Variants in RAB27B observed in about 807,000 individuals in gnomAD.
RAB27B encodes the protein ras-related protein Rab-27B.
A neutral mutation model predicts 24.6 loss-of-function variants in RAB27B; 15 were observed. The ratio of observed to expected loss-of-function variants is 0.61; its 90% CI spans 0.41 to 0.94. RAB27B has a LOEUF of 0.94. RAB27B is among the 40% of genes least tolerant of loss of function. RAB27B has a pLI of 0.00. For missense variants in RAB27B, 261 were observed against 266.8 expected (o/e 0.98, Z 0.15); for synonymous variants, 105 against 92.5 (o/e 1.14, Z -0.78).
intron 2 of RAB27B, among the ~76,000 whole-genome samples, chr18:54,797,379 AG>A (rs1449085869): frequency 6.6e-6 from 1 of 152,166 alleles, no homozygotes; most frequent in East Asian, 1.9e-4. Context: ...ACAAAAAATT[AG>A]CCAGGTGTGG....
At chr18:54,842,149 A>G (rs997143349) in intron 1 of RAB27B, among the ~76,000 whole-genome samples, 2 of 152,238 alleles carry the variant, frequency 1.3e-5, no homozygotes, top group South Asian at 2.1e-4. Context: ...CTGGTTTTCT[A>G]TCTGTACTTG....
intron 2 of RAB27B, among the ~76,000 whole-genome samples, chr18:54,746,662 C>A (rs537110406): frequency 6.6e-6 from 1 of 151,424 alleles, no homozygotes; most frequent in East Asian, 1.9e-4. Flanking sequence ...TAGTACCTAC[C>A]TGCTGTCCTT....
At chr18:54,769,963 G>A (rs1480880159) in intron 2 of RAB27B, among the ~76,000 whole-genome samples, 4 of 152,108 alleles carry the variant, frequency 2.6e-5, no homozygotes, top group Admixed American at 6.6e-5. Context: ...AGCTTCTTGG[G>A]TTCAAGTGAT....
chr18:54,735,916 C>A (rs577843942), intron 2 of RAB27B, among the ~76,000 whole-genome samples: 1 of 152,180 alleles, frequency 6.6e-6, no homozygotes, highest in Admixed American at 6.5e-5. Context: ...CAGGACCATG[C>A]CAAACTGGAT....
intron 3 of RAB27B, chr18:54,879,659 T>C (rs1912842805): frequency 2.0e-6 from 1 of 492,814 alleles, no homozygotes; most frequent in South Asian, 3.3e-5. Flanking sequence ...ATTTCAAAAA[T>C]CAGACTTTCA....
chr18:54,811,270 G>C (rs975601779), intron 2 of RAB27B, among the ~76,000 whole-genome samples: 5 of 152,146 alleles, frequency 3.3e-5, no homozygotes, highest in Non-Finnish European at 5.9e-5. Context: ...GGACATACCT[G>C]TGACATAGCC....
intron 2 of RAB27B, among the ~76,000 whole-genome samples, chr18:54,819,544 A>AAG (rs1555659631): frequency 6.7e-6 from 1 of 148,188 alleles, no homozygotes; most frequent in African/African-American, 2.5e-5. Context: ...AAAAAAAAAA[A>AAG]AAAGAAAAAA....
intron 2 of RAB27B, among the ~76,000 whole-genome samples, chr18:54,783,286 G>A (rs2145095621): frequency 6.6e-6 from 1 of 151,920 alleles, no homozygotes; most frequent in East Asian, 1.9e-4. Context: ...CTTTTTAAAT[G>A]CTTTTGGCAA....
rs144301617 is a variant in RAB27B, at chr18:54,842,951, C to G, written c.-20+14251C>G. Among the ~76,000 whole-genome samples the G allele has an allele frequency of 3.8e-3, 575 of 152,196 alleles. 2 individuals carry two copies. The highest frequency in any genetic ancestry group is 0.012 in the African/African-American group (514 of 41,508). On this transcript the variant is annotated intron_variant, in intron 1 of 5. Transcript: ENST00000262094. ...CTGGAACTACAGGCACCCGTCACCA[C>G]GCCCAGCTAATTTTTTTGTATTTTT... is the stretch of plus-strand genomic sequence containing the variant.
intron 2 of RAB27B, among the ~76,000 whole-genome samples, chr18:54,798,666 A>G (rs1235427583): frequency 7.2e-5 from 11 of 152,404 alleles, no homozygotes; most frequent in Admixed American, 6.5e-5. Flanking sequence ...GCAGCGTTTC[A>G]AAGCACTACT....
intron 2 of RAB27B, among the ~76,000 whole-genome samples, chr18:54,721,658 G>A (rs1003488985): frequency 6.6e-6 from 1 of 152,030 alleles, no homozygotes; most frequent in Non-Finnish European, 1.5e-5. Flanking sequence ...CAAAAAGCAA[G>A]CAATTAAATA....
At chr18:54,874,210 C>T (rs1247671668) in intron 1 of RAB27B, among the ~76,000 whole-genome samples, 1 of 152,148 alleles carries the variant, frequency 6.6e-6, no homozygotes, top group Non-Finnish European at 1.5e-5. Flanking sequence ...TATCTCCTCT[C>T]CTCATGTCTA....
chr18:54,858,163 C>T (rs1335570453), intron 1 of RAB27B, among the ~76,000 whole-genome samples: 1 of 152,146 alleles, frequency 6.6e-6, no homozygotes, highest in East Asian at 1.9e-4. Flanking sequence ...TGCTAACATT[C>T]TCCTAAAATA....
intron 1 of RAB27B, among the ~76,000 whole-genome samples, chr18:54,843,114 T>A (rs1408999017): frequency 2.6e-5 from 4 of 152,180 alleles, no homozygotes; most frequent in Admixed American, 2.0e-4. Flanking sequence ...TATTTTTTAA[T>A]GGACAGGCAA....
In RAB27B at chr18:54,811,066, TATA is replaced by T. The variant is rs528785789; in HGVS notation, c.-19-66497_-19-66495del. ...CCTATGAAAAAATATAGCCTAATAT[TATA>T]ATATTAGAATCTGGATTGTTTTATT... On this transcript the variant is annotated intron_variant, in intron 2 of 4. Transcript: ENST00000586570. 1.9e-3 allele frequency among the ~76,000 whole-genome samples: 294 copies of T among 152,178 alleles called. 1 individual carries two copies. Among genetic ancestry groups the T allele is most frequent in the African/African-American group, 6.8e-3 (281 of 41,512 alleles).
At chr18:54,867,605 C>T (rs1022849773) in intron 1 of RAB27B, among the ~76,000 whole-genome samples, 4 of 151,996 alleles carry the variant, frequency 2.6e-5, no homozygotes, top group Non-Finnish European at 5.9e-5. Flanking sequence ...TGCCACCAGA[C>T]CCAGCTAATT....
chr18:54,877,524 T>C, intron 1 of RAB27B, 43 bp from the exon 2 acceptor site: 4 of 1,302,566 alleles, frequency 3.1e-6, no homozygotes, highest in Non-Finnish European at 3.0e-6. Flanking sequence ...CAAAGGAAAA[T>C]CAACTTTAAT....
chr18:54,849,026 C>T (rs1053537751), intron 1 of RAB27B, among the ~76,000 whole-genome samples: 6 of 152,110 alleles, frequency 3.9e-5, no homozygotes, highest in East Asian at 1.9e-4. Context: ...GCCAGCAGAA[C>T]GTCTGGGATT....
intron 2 of RAB27B, among the ~76,000 whole-genome samples, chr18:54,742,436 A>G (rs957946679): frequency 5.3e-5 from 8 of 152,232 alleles, no homozygotes; most frequent in African/African-American, 1.9e-4. Context: ...ATCTATCAGA[A>G]CGGAAGGCAG....
Sources: gnomAD v4.1 joint callset for allele counts (sites outside exome capture counted in the v4.1 genomes callset) on GRCh38, gnomAD v4.1.1 for gene constraint, MANE v1.5 for transcripts, NCBI Gene and HGNC (gene_info 2026-07-23, HGNC 2026-07-21) for gene names.